Variants in SLC14A2 observed in about 807,000 individuals in gnomAD.
SLC14A2 encodes the protein solute carrier family 14 member 2.
In SLC14A2, 91 loss-of-function variants were observed where a neutral mutation model predicts 104.6. That is an observed-to-expected ratio of 0.87 (90% CI 0.73 to 1.04). The LOEUF (loss-of-function observed/expected upper bound fraction) is 1.04, where lower values mean the gene tolerates loss of function less well. Ranked by LOEUF, SLC14A2 falls within the 50% of genes least tolerant of loss-of-function variation. The pLI, the probability that SLC14A2 is intolerant of heterozygous loss-of-function variation, is 0.00. For missense variants in SLC14A2, 1,189 were observed against 1,156.0 expected, an observed-to-expected ratio of 1.03 and a Z score of -0.41; for synonymous variants, 476 against 466.4, an observed-to-expected ratio of 1.02 and a Z score of -0.27.
At chr18:45,433,743 A>T (rs148158576) in intron 1 of SLC14A2, among the ~76,000 whole-genome samples, 1 of 152,216 alleles carries the variant, frequency 6.6e-6, no homozygotes, top group African/African-American at 2.4e-5. Context: ...ATGTTGCTTA[A>T]GATCAGGGCA....
intron 2 of SLC14A2, among the ~76,000 whole-genome samples, chr18:45,517,954 G>A (rs370527656): frequency 6.6e-6 from 1 of 152,158 alleles, no homozygotes; most frequent in Admixed American, 6.5e-5. Context: ...GTAGAAGATT[G>A]TTGAACTGGA....
Position 45,681,254 on chromosome 18 carries a change from G to A in SLC14A2, c.2563-1065G>A, listed in dbSNP as rs1466241314. On this transcript the variant is annotated intron_variant, in intron 19 of 19. Transcript: ENST00000255226. The stretch of plus-strand genomic sequence containing the variant: ...AATTTTTTGTATTTTTAGTAGAGAC[G>A]GGGTTTCACCGTTTTTAGCCGGGAT... Among the ~76,000 whole-genome samples, 2 of 6,618 alleles carry A rather than the reference G, an allele frequency of 3.0e-4. 1 individual carries two copies. Among genetic ancestry groups the A allele is most frequent in the African/African-American group, 3.3e-4 (2 of 6,138 alleles). 4.3% of individuals were successfully genotyped at this position (6,618 alleles called of 152,430 possible). A position where few individuals can be genotyped will look rare whatever the true frequency, so the allele number is the denominator to read the frequency against.
upstream of SLC14A2, among the ~76,000 whole-genome samples, chr18:45,211,101 G>C (rs1221704639): frequency 1.3e-5 from 2 of 152,156 alleles, no homozygotes; most frequent in African/African-American, 4.8e-5. Flanking sequence ...AAGCACCAGA[G>C]AAAATGTCTC....
chr18:45,204,438 A>G, the SLC14A2 span, among the ~76,000 whole-genome samples: 12 of 152,176 alleles, frequency 7.9e-5, no homozygotes, highest in Non-Finnish European at 1.6e-4. Context: ...GAAACTTTTG[A>G]CTGGTCTGAT....
chr18:45,463,271 G>A (rs2087078467), intron 1 of SLC14A2, among the ~76,000 whole-genome samples: 1 of 152,200 alleles, frequency 6.6e-6, no homozygotes, highest in South Asian at 2.1e-4. Flanking sequence ...GTGTGGAGCA[G>A]TGATAAGCTT....
intron 1 of SLC14A2, among the ~76,000 whole-genome samples, chr18:45,224,882 A>C (rs1478935395): frequency 1.3e-5 from 2 of 152,160 alleles, no homozygotes; most frequent in Admixed American, 1.3e-4. Context: ...TAGTTCTATC[A>C]GTTAAGAATA....
intron 1 of SLC14A2, among the ~76,000 whole-genome samples, chr18:45,277,684 C>T (rs1312637447): frequency 6.6e-6 from 1 of 152,234 alleles, no homozygotes; most frequent in Non-Finnish European, 1.5e-5. Context: ...GTTGGGCTTA[C>T]AGGCATGAGC....
At chr18:45,307,238 A>G (rs1201305149) in intron 1 of SLC14A2, among the ~76,000 whole-genome samples, 2 of 151,914 alleles carry the variant, frequency 1.3e-5, no homozygotes, top group African/African-American at 4.8e-5. Flanking sequence ...CCAACATGGT[A>G]AAACCTCGTC....
chr18:45,235,839 A>ATATATATGTATATATACATATATGTGTG lies in SLC14A2; in HGVS notation c.-125+22680_-125+22707dup, dbSNP rs1568113558. 1.9e-4 allele frequency among the ~76,000 whole-genome samples: 17 copies of ATATATATGTATATATACATATATGTGTG among 88,166 alleles called. 1 individual carries two copies. The highest frequency in any genetic ancestry group is 7.6e-4 in the East Asian group (3 of 3,922). 57.8% of individuals were successfully genotyped at this position (88,166 alleles called of 152,430 possible). A position where few individuals can be genotyped will look rare whatever the true frequency, so the allele number is the denominator to read the frequency against. ...TATATATATATATATATACGTGTAT[A>ATATATATGTATATATACATATATGTGTG]TATATATGTATATATACATATATGT... On this transcript the variant is annotated intron_variant, in intron 1 of 20. Coordinates refer to the SLC14A2 transcript ENST00000586448.
chr18:45,591,305 T>G (rs2044643371), intron 2 of SLC14A2, among the ~76,000 whole-genome samples: 1 of 152,204 alleles, frequency 6.6e-6, no homozygotes, highest in African/African-American at 2.4e-5. Flanking sequence ...TCAGTAGGTC[T>G]GTGGAGGAGT....
chr18:45,415,275 G>A (rs993495880), intron 1 of SLC14A2, among the ~76,000 whole-genome samples: 1 of 152,086 alleles, frequency 6.6e-6, no homozygotes, highest in Non-Finnish European at 1.5e-5. Context: ...GTCAGGGGGT[G>A]TGTTTCTATC....
Position 45,300,280 on chromosome 18 carries a change from A to T in SLC14A2, c.-125+87089A>T, listed in dbSNP as rs80287807. On this transcript the variant is annotated intron_variant, in intron 1 of 20. Coordinates refer to the SLC14A2 transcript ENST00000586448. Reference sequence around the variant, plus strand: ...TTCCCATTTTTCAACAGGACTAATGAGTTAGGGACTGCTGTATCTTCATTT... The same window carrying T: ...TTCCCATTTTTCAACAGGACTAATGTGTTAGGGACTGCTGTATCTTCATTT... 2.0e-5 allele frequency among the ~76,000 whole-genome samples: 3 copies of T among 152,224 alleles called. No individual in the cohort carries two copies. The East Asian group carries it at 5.8e-4, about 29-fold the overall frequency.
At chr18:45,620,647 T>C (rs73953249) in intron 1 of SLC14A2, among the ~76,000 whole-genome samples, 6,853 of 152,210 alleles carry the variant, frequency 0.045, 539 homozygotes, top group African/African-American at 0.15. Context: ...TAGACACATT[T>C]TTTTTTCATC....
At chr18:45,176,527 C>A in the SLC14A2 span, among the ~76,000 whole-genome samples, 457 of 152,264 alleles carry the variant, frequency 3.0e-3, 2 homozygotes, top group African/African-American at 0.01. Flanking sequence ...ACTTCCATTT[C>A]TATGGCTACT....
chr18:45,537,631 C>T (rs560554049), intron 2 of SLC14A2, among the ~76,000 whole-genome samples: 2 of 152,134 alleles, frequency 1.3e-5, no homozygotes, highest in South Asian at 4.2e-4. Flanking sequence ...AATGAGGAAG[C>T]CATTGGTGAA....
intron 1 of SLC14A2, among the ~76,000 whole-genome samples, chr18:45,269,906 A>G (rs949426494): frequency 2.0e-5 from 3 of 152,130 alleles, no homozygotes; most frequent in Non-Finnish European, 2.9e-5. Context: ...CTTTTTTTCT[A>G]TATGTGAGAA....
chr18:45,388,681 C>G (rs900236417), intron 1 of SLC14A2, among the ~76,000 whole-genome samples: 2 of 152,152 alleles, frequency 1.3e-5, no homozygotes, highest in African/African-American at 4.8e-5. Flanking sequence ...AGGAATTCCA[C>G]TCCATGTTTC....
At chr18:45,603,567 C>G (rs142098850) in intron 2 of SLC14A2, among the ~76,000 whole-genome samples, 1 of 152,270 alleles carries the variant, frequency 6.6e-6, no homozygotes, top group African/African-American at 2.4e-5. Context: ...GGTATTTCTT[C>G]GTCAAAACTG....
intron 1 of SLC14A2, among the ~76,000 whole-genome samples, chr18:45,407,316 A>G (rs369001910): frequency 4.6e-5 from 7 of 152,196 alleles, no homozygotes; most frequent in African/African-American, 1.7e-4. Flanking sequence ...CTAGCTTCAA[A>G]CTTTTCCTCT....
Sources: allele counts gnomAD v4.1 joint callset (sites outside exome capture counted in the v4.1 genomes callset), GRCh38; gene constraint gnomAD v4.1.1; transcripts MANE v1.5; gene names NCBI Gene and HGNC (gene_info 2026-07-23, HGNC 2026-07-21).